The following TRIM5 variants were observed in gnomAD, a reference collection of about 807,000 sequenced individuals.
TRIM5 encodes tripartite motif-containing protein 5.
A neutral mutation model predicts 35.6 loss-of-function variants in TRIM5; 31 were observed. That is an observed-to-expected ratio of 0.87 (90% CI 0.65 to 1.18). The LOEUF is 1.18. Ranked by LOEUF, TRIM5 falls within the 50% of genes most tolerant of loss-of-function variation. The pLI, the probability that TRIM5 is intolerant of heterozygous loss-of-function variation, is 0.00. For missense variants in TRIM5, 609 were observed against 591.6 expected, an observed-to-expected ratio of 1.03 and a Z score of -0.31; for synonymous variants, 243 against 215.6, an observed-to-expected ratio of 1.13 and a Z score of -1.11.
chr11:5,592,702 A>G, the TRIM5 span, among the ~76,000 whole-genome samples: 1 of 152,066 alleles, frequency 6.6e-6, no homozygotes, highest in Non-Finnish European at 1.5e-5. Flanking sequence ...GGATCGCTTG[A>G]GTCCAGGAGT....
chr11:5,673,149 A>AT (rs1231367731), intron 4 of TRIM5, among the ~76,000 whole-genome samples: 1 of 152,140 alleles, frequency 6.6e-6, no homozygotes, highest in Non-Finnish European at 1.5e-5. Flanking sequence ...CAGACTGGGT[A>AT]AAGAAGAAGA....
chr11:5,668,925 C>T (rs1057492965), intron 4 of TRIM5, among the ~76,000 whole-genome samples: 4 of 152,042 alleles, frequency 2.6e-5, no homozygotes, highest in Admixed American at 2.6e-4. Flanking sequence ...CAACAAGGAC[C>T]AACAACTAAG....
the TRIM5 span, among the ~76,000 whole-genome samples, chr11:5,606,941 CG>C: frequency 6.6e-6 from 1 of 152,196 alleles, no homozygotes; most frequent in South Asian, 2.1e-4. Context: ...CGGTGGCTCA[CG>C]CCTGTAATCC....
chr11:5,614,788 C>T, the TRIM5 span, among the ~76,000 whole-genome samples: 1 of 152,148 alleles, frequency 6.6e-6, no homozygotes, highest in Non-Finnish European at 1.5e-5. Context: ...GGGAAGAGGA[C>T]TGTCTTAACA....
the TRIM5 span, among the ~76,000 whole-genome samples, chr11:5,639,679 C>CAAAAA: frequency 0.047 from 2,413 of 51,142 alleles, 497 homozygotes; most frequent in Non-Finnish European, 0.052. Context: ...GACTCTATTT[C>CAAAAA]AAAAAAAAAA....
chr11:5,640,115 T>C, the TRIM5 span, among the ~76,000 whole-genome samples: 9 of 152,228 alleles, frequency 5.9e-5, no homozygotes, highest in African/African-American at 2.2e-4. Context: ...TTTTATTTGT[T>C]TTCTGTGACT....
chr11:5,616,314 A>C, the TRIM5 span, among the ~76,000 whole-genome samples: 823 of 144,152 alleles, frequency 5.7e-3, 70 homozygotes, highest in African/African-American at 0.019. Flanking sequence ...AGAGCGAAAC[A>C]CTGTCTCAAA....
the TRIM5 span, among the ~76,000 whole-genome samples, chr11:5,592,914 C>CAAAAAAAAAAAAAAAA: frequency 1.6e-4 from 11 of 67,118 alleles, no homozygotes; most frequent in East Asian, 4.6e-4. Flanking sequence ...GAGATTGTCT[C>CAAAAAAAAAAAAAAAA]AAAAAAAAAA....
chr11:5,619,195 A>G, the TRIM5 span, among the ~76,000 whole-genome samples: 2 of 152,202 alleles, frequency 1.3e-5, no homozygotes, highest in Non-Finnish European at 2.9e-5. Flanking sequence ...CATATGGAAT[A>G]GCTGTCCCTG....
the TRIM5 span, chr11:5,596,628 A>C: frequency 3.0e-6 from 1 of 333,404 alleles, no homozygotes; most frequent in Non-Finnish European, 5.3e-6. Context: ...AGGCGGCCCG[A>C]CTCCTCCCAG....
intron 4 of TRIM5, among the ~76,000 whole-genome samples, chr11:5,673,782 A>G (rs960414149): frequency 4.6e-5 from 7 of 152,322 alleles, no homozygotes; most frequent in Admixed American, 1.3e-4. Flanking sequence ...AAATTCTTCA[A>G]TGCTTTAAAA....
chr11:5,608,890 G>A, the TRIM5 span, among the ~76,000 whole-genome samples: 3 of 118,012 alleles, frequency 2.5e-5, no homozygotes, highest in South Asian at 2.9e-4. Context: ...TCACTCTGTC[G>A]CCCAGGCTGG....
chr11:5,604,840 C>T, the TRIM5 span: 3 of 523,230 alleles, frequency 5.7e-6, no homozygotes, highest in African/African-American at 3.9e-5. Context: ...GAGACAATCA[C>T]ATAGCAGAGG....
At chr11:5,661,041 C>CAAAAAAAAAAAAA (rs61394016), downstream of TRIM5, among the ~76,000 whole-genome samples, 4 of 37,142 alleles carry the variant, frequency 1.1e-4, no homozygotes, top group Non-Finnish European at 1.3e-4. Context: ...GACTCCGTCT[C>CAAAAAAAAAAAAA]AAAAAAAAAA....
chr11:5,602,805 C>G, the TRIM5 span, among the ~76,000 whole-genome samples: 1 of 148,018 alleles, frequency 6.8e-6, no homozygotes, highest in Non-Finnish European at 1.5e-5. Flanking sequence ...AATACAAAAA[C>G]TAGCCAGGTG....
chr11:5,666,500 G>A (rs1690368678), intron 5 of TRIM5, among the ~76,000 whole-genome samples: 2 of 152,188 alleles, frequency 1.3e-5, no homozygotes, highest in African/African-American at 2.4e-5. Flanking sequence ...CAGGGAGATG[G>A]TTAGAAAGTG....
the TRIM5 span, chr11:5,596,673 G>C: frequency 4.8e-6 from 3 of 626,684 alleles, no homozygotes; most frequent in Non-Finnish European, 8.1e-6. Flanking sequence ...GCAAACTCCT[G>C]ACCTGTGGGT....
At chr11:5,655,768 T>C in the TRIM5 span, 1 of 819,270 alleles carries the variant, frequency 1.2e-6, no homozygotes, top group Non-Finnish European at 1.5e-6. Flanking sequence ...AATCATTCAG[T>C]GCTACATTTT....
chr11:5,605,267 C>A, the TRIM5 span: 7 of 1,605,972 alleles, frequency 4.4e-6, no homozygotes, highest in East Asian at 2.2e-5. Flanking sequence ...AGCCCAACTT[C>A]CCCGCTTTTA....
Sources: gnomAD v4.1 joint callset for allele counts (sites outside exome capture counted in the v4.1 genomes callset) on GRCh38, gnomAD v4.1.1 for gene constraint, MANE v1.5 for transcripts, NCBI Gene and HGNC (gene_info 2026-07-23, HGNC 2026-07-21) for gene names.